CACNB2: variants seen among roughly 807,000 people sequenced by gnomAD.
CACNB2 encodes calcium voltage-gated channel auxiliary subunit beta 2.
In CACNB2, 42 loss-of-function variants were observed where a neutral mutation model predicts 73.3. That is an observed-to-expected ratio of 0.57 (90% confidence interval 0.45 to 0.74). The LOEUF is 0.74. CACNB2 is among the 30% of genes least tolerant of loss of function. The pLI, the probability that CACNB2 is intolerant of heterozygous loss-of-function variation, is 0.00. For synonymous variants in CACNB2, 348 were observed against 310.3 expected (o/e 1.12, Z -1.28); for missense variants, 940 against 853.0 (o/e 1.10, Z -1.27).
At chr10:18,469,371 T>G (rs931631625) in intron 3 of CACNB2, among the ~76,000 whole-genome samples, 6 of 152,230 alleles carry the variant, frequency 3.9e-5, no homozygotes, top group Non-Finnish European at 8.8e-5. Context: ...GTCTGTCAAT[T>G]ACCCCATCTT....
In CACNB2 at chr10:18,541,945, C is replaced by G. The variant is rs192311413; in HGVS notation, c.*2221C>G. On this transcript the variant is annotated 3_prime_UTR_variant, in exon 14 of 14. Coordinates refer to ENST00000324631, the MANE Select transcript of CACNB2 (RefSeq NM_201596.3). Reference sequence around the variant, plus strand: ...CTTTGTTTTGCTTCCTTGATTATTCCAAGTTCTTACCAAATATTCTTAGCC... The same window carrying G: ...CTTTGTTTTGCTTCCTTGATTATTCGAAGTTCTTACCAAATATTCTTAGCC... 6.6e-6 allele frequency: 1 copy of G among 152,102 alleles called. No homozygotes were observed. Among genetic ancestry groups the G allele is most frequent in the East Asian group, 1.9e-4 (1 of 5,174 alleles). The allele number at this position is 152,102 out of a possible 1,614,324, so 9.4% of individuals were successfully genotyped here. A position where few individuals can be genotyped will look rare whatever the true frequency, so the allele number is the denominator to read the frequency against.
intron 2 of CACNB2, among the ~76,000 whole-genome samples, chr10:18,242,876 G>T (rs1200967289): frequency 6.6e-6 from 1 of 151,310 alleles, no homozygotes; most frequent in Non-Finnish European, 1.5e-5. Context: ...CGGGCATGGT[G>T]GTGGGCACCT....
At chr10:18,405,478 C>T (rs917232385) in intron 3 of CACNB2, among the ~76,000 whole-genome samples, 5 of 152,104 alleles carry the variant, frequency 3.3e-5, no homozygotes, top group South Asian at 2.1e-4. Flanking sequence ...TGTGTGTGGG[C>T]GTATGTTTTC....
At chr10:18,474,713 C>T (rs997579947) in intron 3 of CACNB2, among the ~76,000 whole-genome samples, 2 of 152,130 alleles carry the variant, frequency 1.3e-5, no homozygotes, top group African/African-American at 4.8e-5. Context: ...GAAAGGAAAA[C>T]TGTTTCCTCT....
At chr10:18,407,585 G>A (rs2044365807) in intron 3 of CACNB2, among the ~76,000 whole-genome samples, 1 of 152,002 alleles carries the variant, frequency 6.6e-6, no homozygotes, top group African/African-American at 2.4e-5. Flanking sequence ...GGGCTGATCA[G>A]TTCAGTTCTG....
chr10:18,527,834 A>G (rs1391893761), intron 10 of CACNB2, 137 bp downstream of exon 10: 15 of 697,924 alleles, frequency 2.1e-5, no homozygotes, highest in South Asian at 1.4e-4. Context: ...CGCTGTTGCT[A>G]TGGTCTTACT....
At chr10:18,511,273 G>C (rs913782221) in intron 6 of CACNB2, among the ~76,000 whole-genome samples, 5 of 152,070 alleles carry the variant, frequency 3.3e-5, no homozygotes, top group African/African-American at 1.2e-4. Flanking sequence ...GCAAGCAATA[G>C]CTGATTATTT....
At chr10:18,252,755 T>A (rs983316831) in intron 2 of CACNB2, among the ~76,000 whole-genome samples, 1 of 152,194 alleles carries the variant, frequency 6.6e-6, no homozygotes, top group Non-Finnish European at 1.5e-5. Context: ...AATTTTCCAA[T>A]TGGTAAAATT....
intron 2 of CACNB2, among the ~76,000 whole-genome samples, chr10:18,232,747 TG>T (rs2036269538): frequency 6.6e-6 from 1 of 152,216 alleles, no homozygotes; most frequent in South Asian, 2.1e-4. Flanking sequence ...AATTCTTTTT[TG>T]TGTATTCGTT....
chr10:18,427,870 A>T (rs1022579333), intron 3 of CACNB2, among the ~76,000 whole-genome samples: 2 of 151,802 alleles, frequency 1.3e-5, no homozygotes, highest in Admixed American at 6.6e-5. Flanking sequence ...GAATAATTCT[A>T]TTTTCTATTT....
rs1437991479 is a variant in CACNB2, at chr10:18,141,224, G to C, written c.120+368G>C. 6.1e-6 allele frequency: 9 copies of C among 1,482,188 alleles called. No individual in the cohort carries two copies. In the South Asian group the frequency reaches 9.7e-5, roughly 16 times the overall value. The allele number at this position is 1,482,188 out of a possible 1,614,324, so 91.8% of individuals were successfully genotyped here. The stretch of plus-strand genomic sequence containing the variant: ...TGGACCTGCTGAAGATCGTGAGTCC[G>C]GGTGGGCGGGAGGGGGCCCGCTTCC... On this transcript the variant is annotated intron_variant, in intron 1 of 13. Transcript: ENST00000324631.
At chr10:18,318,094 T>A (rs2131935608) in intron 2 of CACNB2, among the ~76,000 whole-genome samples, 1 of 152,278 alleles carries the variant, frequency 6.6e-6, no homozygotes, top group South Asian at 2.1e-4. Flanking sequence ...AAACTACCAT[T>A]GACTTTCTTC....
intron 2 of CACNB2, among the ~76,000 whole-genome samples, chr10:18,264,952 T>A (rs901644257): frequency 3.9e-5 from 6 of 152,162 alleles, no homozygotes; most frequent in Non-Finnish European, 8.8e-5. Context: ...TAGATGCTGG[T>A]CAGCAGCTTT....
chr10:18,272,801 CTCTT>C (rs2038112950), intron 2 of CACNB2, among the ~76,000 whole-genome samples: 1 of 152,144 alleles, frequency 6.6e-6, no homozygotes, highest in Middle Eastern at 3.2e-3. Context: ...TCCATTAAAC[CTCTT>C]TCTTTTATAA....
chr10:18,518,209 T>C (rs1489048485), intron 7 of CACNB2, 127 bp from the exon 8 acceptor site: 2 of 756,572 alleles, frequency 2.6e-6, no homozygotes, highest in Non-Finnish European at 4.8e-6. Context: ...AAGAGGCAAG[T>C]GGGGAAAATA....
intron 3 of CACNB2, among the ~76,000 whole-genome samples, chr10:18,480,833 C>T (rs991356888): frequency 3.3e-5 from 5 of 152,150 alleles, no homozygotes; most frequent in African/African-American, 4.8e-5. Flanking sequence ...TCTTTTCAGA[C>T]GTAAACACTT....
intron 1 of CACNB2, among the ~76,000 whole-genome samples, chr10:18,147,186 G>T (rs1178348904): frequency 6.6e-6 from 1 of 152,146 alleles, no homozygotes; most frequent in Non-Finnish European, 1.5e-5. Flanking sequence ...TAAGACTGGA[G>T]TCCATTCTTA....
intron 2 of CACNB2, among the ~76,000 whole-genome samples, chr10:18,242,440 T>C (rs2036693304): frequency 6.6e-6 from 1 of 152,212 alleles, no homozygotes; most frequent in African/African-American, 2.4e-5. Context: ...GAAAGGTCTT[T>C]CTTAGTTTTG....
At chr10:18,307,365 G>A (rs958783296) in intron 2 of CACNB2, among the ~76,000 whole-genome samples, 1 of 152,194 alleles carries the variant, frequency 6.6e-6, no homozygotes, top group Non-Finnish European at 1.5e-5. Flanking sequence ...GGGAGGCTGA[G>A]GCAGGAGAAT....
Sources: allele counts gnomAD v4.1 joint callset (sites outside exome capture counted in the v4.1 genomes callset), GRCh38; gene constraint gnomAD v4.1.1; transcripts MANE v1.5; gene names NCBI Gene and HGNC (gene_info 2026-07-23, HGNC 2026-07-21).